The following HMCN1 variants were observed in gnomAD, a reference collection of about 807,000 sequenced individuals.
HMCN1 encodes the protein hemicentin-1.
HMCN1 carries 321 observed loss-of-function variants against 625.9 expected under a neutral mutation model. The observed-to-expected ratio is 0.51, with a 90% CI of 0.47 to 0.56. The LOEUF is 0.56. HMCN1 is among the 20% of genes least tolerant of loss of function. HMCN1 has a pLI of 0.00. For missense variants in HMCN1, 6,588 were observed against 6,887.3 expected (o/e 0.96, Z 1.54); for synonymous variants, 2,425 against 2,417.6 (o/e 1.00, Z -0.09).
intron 1 of HMCN1, among the ~76,000 whole-genome samples, chr1:185,788,871 G>A (rs1158832017): frequency 2.6e-5 from 4 of 151,874 alleles, no homozygotes; most frequent in Admixed American, 6.6e-5. Context: ...AAGGAATCAC[G>A]GGAATTTGAT....
intron 41 of HMCN1, among the ~76,000 whole-genome samples, chr1:186,046,242 G>A (rs1169733466): frequency 6.6e-6 from 1 of 152,116 alleles, no homozygotes; most frequent in Admixed American, 6.5e-5. Context: ...GCCAAGGTGG[G>A]CGGACCACTT....
chr1:185,814,321 A>G (rs1252274372), intron 1 of HMCN1, among the ~76,000 whole-genome samples: 2 of 152,210 alleles, frequency 1.3e-5, no homozygotes, highest in African/African-American at 4.8e-5. Context: ...ACATCTGTGT[A>G]CTATAAAATT....
intron 1 of HMCN1, among the ~76,000 whole-genome samples, chr1:185,842,463 T>C (rs1243075929): frequency 6.6e-6 from 1 of 151,984 alleles, no homozygotes; most frequent in Non-Finnish European, 1.5e-5. Flanking sequence ...CTTGGGAGGC[T>C]GAGGCAGGAG....
At chr1:186,153,230 C>T (rs1211143548) in intron 96 of HMCN1, among the ~76,000 whole-genome samples, 1 of 152,140 alleles carries the variant, frequency 6.6e-6, no homozygotes, top group African/African-American at 2.4e-5. Context: ...TTTGTTTATT[C>T]ATGACCTATA....
chr1:186,069,900 AC>A (rs1658379952), intron 51 of HMCN1, 124 bp downstream of exon 51: 10 of 717,916 alleles, frequency 1.4e-5, no homozygotes, highest in Middle Eastern at 3.3e-4. Context: ...TGTGCAGCTT[AC>A]TTTATTAAGG....
Position 186,068,718 on chromosome 1 carries a change from A to C in HMCN1, c.7879+711A>C, listed in dbSNP as rs531523998. ...CTGTCCCTACTAAAAAAATACAAAA[A>C]ATTAGCTGGGCGTGGTGGCACATGC... On this transcript the variant is annotated intron_variant, in intron 50 of 106. Coordinates refer to ENST00000271588, the MANE Select transcript of HMCN1 (RefSeq NM_031935.3). Among the ~76,000 whole-genome samples the C allele has an allele frequency of 8.8e-4, 134 of 152,116 alleles. 2 individuals are homozygous for C. The highest frequency in any genetic ancestry group is 3.0e-3 in the African/African-American group (125 of 41,510).
In HMCN1 at chr1:186,045,709, A is replaced by G. The variant is rs1413302861; in HGVS notation, c.6326A>G (p.Glu2109Gly). Residue 2109 changes from glutamate (E) to glycine (G), a missense_variant, in exon 41 of 107, where the codon GAA (glutamate) becomes GGA (glycine). Physicochemically the swap from Glu to Gly is moderately conservative, Grantham distance 98. Around this residue, in one of 3 missense-constraint regions of HMCN1, gnomAD observed 4,628 missense variants for 4,853.1 expected, o/e 0.95. Coordinates refer to ENST00000271588, the MANE Select transcript of HMCN1 (RefSeq NM_031935.3). ...RVYVPPNIMG[E>G]EQNVSVLISQ... The stretch of plus-strand genomic sequence containing the variant: ...GTAGTTCCGCCAAATATTATGGGAG[A>G]AGAACAGAATGTCTCTGTCCTCATT... The G allele has an allele frequency of 6.2e-7, 1 of 1,613,218 alleles. No homozygotes were observed. Among genetic ancestry groups the G allele is most frequent in the South Asian group, 1.1e-5 (1 of 91,078 alleles).
At position 186,045,716 on chromosome 1, in the gene HMCN1, G is replaced by T; in HGVS notation, c.6333G>T (p.Gln2111His). 6.2e-7 allele frequency: 1 copy of T among 1,613,426 alleles called. No individual in the cohort carries two copies. The highest frequency in any genetic ancestry group is 8.5e-7 in the Non-Finnish European group (1 of 1,179,524). Residue 2111 changes from glutamine to histidine, a missense_variant, in exon 41 of 107, where the codon CAG (glutamine) becomes CAT (histidine). Physicochemically the swap from Gln to His is conservative, Grantham distance 24 (BLOSUM62 0). Transcript: ENST00000271588. The stretch of plus-strand genomic sequence containing the variant: ...CGCCAAATATTATGGGAGAAGAACA[G>T]AATGTCTCTGTCCTCATTAGCCAAG... Reference protein sequence around the residue: ...YVPPNIMGEEQNVSVLISQAV... With the variant: ...YVPPNIMGEEHNVSVLISQAV...
chr1:185,827,171 C>CAAAAAAAAAAAAAAAA (rs756416016), intron 1 of HMCN1, among the ~76,000 whole-genome samples: 1 of 43,186 alleles, frequency 2.3e-5, no homozygotes, highest in Non-Finnish European at 5.3e-5. Flanking sequence ...GACTCCATCT[C>CAAAAAAAAAAAAAAAA]AAAAAAAAAA....
At chr1:185,952,435 G>A (rs1403551070) in intron 11 of HMCN1, among the ~76,000 whole-genome samples, 2 of 151,662 alleles carry the variant, frequency 1.3e-5, no homozygotes, top group East Asian at 1.9e-4. Context: ...GGTTGGTACT[G>A]AGGGGACAGG....
chr1:186,182,156 C>A lies in HMCN1; in HGVS notation c.16295-12C>A, dbSNP rs1225767370. ...TTGTGTAGTGATAACTCTCTGTCTT[C>A]TTCCTGAACAGATATTGATGAATGT... On this transcript the variant is annotated splice_polypyrimidine_tract_variant and intron_variant, in intron 104 of 106. Transcript: ENST00000271588. The A allele has an allele frequency of 4.3e-6, 7 of 1,612,798 alleles. No individual in the cohort carries two copies. Among genetic ancestry groups the A allele is most frequent in the Non-Finnish European group, 5.9e-6 (7 of 1,178,996 alleles).
intron 97 of HMCN1, among the ~76,000 whole-genome samples, chr1:186,164,464 C>T (rs1056649868): frequency 5.9e-5 from 9 of 152,110 alleles, no homozygotes; most frequent in Admixed American, 2.0e-4. Context: ...AGGATGGTCT[C>T]GATCTCCTGA....
intron 36 of HMCN1, among the ~76,000 whole-genome samples, chr1:186,030,907 A>G (rs1655388433): frequency 6.6e-6 from 1 of 151,922 alleles, no homozygotes; most frequent in African/African-American, 2.4e-5. Context: ...TCAACAGTAT[A>G]CAAAAATTTT....
At chr1:185,924,620 A>G (rs1558069019) in intron 8 of HMCN1, among the ~76,000 whole-genome samples, 1 of 152,114 alleles carries the variant, frequency 6.6e-6, no homozygotes, top group African/African-American at 2.4e-5. Flanking sequence ...CTAATTTGCT[A>G]CAAAATCTGA....
intron 68 of HMCN1, among the ~76,000 whole-genome samples, chr1:186,096,266 T>C (rs530873707): frequency 2.1e-4 from 32 of 152,156 alleles, no homozygotes; most frequent in Non-Finnish European, 3.7e-4. Flanking sequence ...TTATAATCCT[T>C]CTCAGAGCAA....
intron 64 of HMCN1, among the ~76,000 whole-genome samples, chr1:186,092,168 T>C (rs1558216416): frequency 6.6e-6 from 1 of 151,928 alleles, no homozygotes; most frequent in South Asian, 2.1e-4. Context: ...AATTTACTTA[T>C]TCTTTTATCT....
At chr1:186,171,540 T>C in intron 101 of HMCN1, 90 bp downstream of exon 101, 1 of 1,014,278 alleles carries the variant, frequency 9.9e-7, no homozygotes, top group South Asian at 1.3e-5. Context: ...GTCTTGGTAC[T>C]GGTTCCTATA....
rs997935097 is a variant in HMCN1, at chr1:186,087,623, T to G, written c.9341T>G (p.Met3114Arg). ...GTGGAGATTTTAGCTGATGGACAAATGCTACACATTAAGAAAGCTGAGGTG... is the reference window on the plus strand; with the variant it reads ...GTGGAGATTTTAGCTGATGGACAAAGGCTACACATTAAGAAAGCTGAGGTG... ...THVEILADGQMLHIKKAEVSD... is the reference protein window; with the variant it reads ...THVEILADGQRLHIKKAEVSD... The change falls in exon 60 of 107, where the codon ATG becomes AGG. Residue 3114 changes from methionine (M) to arginine (R), a missense_variant. Around this residue, in one of 3 missense-constraint regions of HMCN1, gnomAD observed 4,628 missense variants for 4,853.1 expected, o/e 0.95. Transcript: ENST00000271588. The G allele has an allele frequency of 1.2e-6, 2 of 1,613,204 alleles. No homozygotes were observed. The highest frequency in any genetic ancestry group is 1.7e-6 in the Non-Finnish European group (2 of 1,179,368).
intron 82 of HMCN1, among the ~76,000 whole-genome samples, 156 bp downstream of exon 82, chr1:186,125,950 C>T (rs1253122368): frequency 6.6e-6 from 1 of 151,788 alleles, no homozygotes; most frequent in East Asian, 1.9e-4. Flanking sequence ...ATTTCATGTC[C>T]CTTGAATGAG....
Sources: allele counts gnomAD v4.1 joint callset (sites outside exome capture counted in the v4.1 genomes callset), GRCh38; gene constraint gnomAD v4.1.1; regional missense constraint gnomAD v4.1.1; transcripts MANE v1.5; gene names NCBI Gene and HGNC (gene_info 2026-07-23, HGNC 2026-07-21).